The following FBXO22 variants were observed in gnomAD, a reference collection of about 807,000 sequenced individuals.
The protein encoded by FBXO22 is F-box protein 22, also known as F-box only protein 22.
A neutral mutation model predicts 37.2 loss-of-function variants in FBXO22; 13 were observed. That is an observed-to-expected ratio of 0.35 (90% CI 0.23 to 0.56). The LOEUF is 0.56. FBXO22 is among the 20% of genes least tolerant of loss of function. The pLI is 0.87. For missense variants in FBXO22, 446 were observed against 509.9 expected, an observed-to-expected ratio of 0.87 and a Z score of 1.21; for synonymous variants, 189 against 189.1, an observed-to-expected ratio of 1.00 and a Z score of 0.00.
intron 5 of FBXO22, among the ~76,000 whole-genome samples, chr15:75,919,868 G>C (rs1178850105): frequency 1.3e-5 from 2 of 152,210 alleles, no homozygotes; most frequent in South Asian, 2.1e-4. Context: ...TGGAGGTACT[G>C]TATGCCAGAT....
intron 3 of FBXO22, among the ~76,000 whole-genome samples, chr15:75,913,553 C>T (rs998165472): frequency 2.6e-5 from 4 of 152,176 alleles, no homozygotes; most frequent in African/African-American, 9.7e-5. Context: ...TCTCCAGGCA[C>T]TTTTTATTAT....
In FBXO22 at chr15:75,936,007, T is replaced by C. The variant is rs376158175; in HGVS notation, c.*2905T>C. On this transcript the variant is annotated 3_prime_UTR_variant, in exon 7 of 7. Transcript: ENST00000308275. ...TTTCACCGTGTTAGCCAAGATGGTC[T>C]CGATCTCCTGACCTTGTGATCCGCC... 17 of 152,308 alleles carry C rather than the reference T, an allele frequency of 1.1e-4. No individual in the cohort carries two copies. The highest frequency in any genetic ancestry group is 2.2e-4 in the Non-Finnish European group (15 of 68,024). 9.4% of individuals were successfully genotyped at this position (152,308 alleles called of 1,614,324 possible).
rs116749451 is a variant in FBXO22, at chr15:75,931,528, C to T, written c.795-1157C>T. 4.2e-3 allele frequency among the ~76,000 whole-genome samples: 636 copies of T among 152,262 alleles called. 13 individuals carry two copies. The highest frequency in any genetic ancestry group is 0.014 in the African/African-American group (599 of 41,556). On this transcript the variant is annotated intron_variant, in intron 6 of 6. Transcript: ENST00000308275. ...AAGAGCAGCAGAGGACTTCAGAAGA[C>T]GGATTTTGCCCCTCACAAACTTGTT...
In FBXO22 at chr15:75,904,032, G is replaced by A. The variant is rs776151270; in HGVS notation, c.69G>A (p.Leu23=). Reference sequence around the variant, plus strand: ...TAGACCCGCGGAGCACCTTCGTGTTGAGTAACCTGGCGGAGGTGGTGGAGC... The same window carrying A: ...TAGACCCGCGGAGCACCTTCGTGTTAAGTAACCTGGCGGAGGTGGTGGAGC... ...SSVDPRSTFV[L]SNLAEVVERV... The change falls in exon 1 of 7, where the codon TTG becomes TTA. Residue 23 remains leucine (L), a synonymous_variant. Transcript: ENST00000308275. 6.4e-7 allele frequency: 1 copy of A among 1,571,960 alleles called. No individual in the cohort carries two copies. Among genetic ancestry groups the A allele is most frequent in the Non-Finnish European group, 8.6e-7 (1 of 1,158,130 alleles).
At chr15:75,904,758 C>T (rs1899884130) in intron 2 of FBXO22, 129 bp downstream of exon 2, 1 of 979,776 alleles carries the variant, frequency 1.0e-6, no homozygotes, top group African/African-American at 1.7e-5. Context: ...ATTTTGTAAA[C>T]ATCAGTTTTA....
chr15:75,912,448 C>A (rs1472609278), intron 2 of FBXO22, among the ~76,000 whole-genome samples: 1 of 152,096 alleles, frequency 6.6e-6, no homozygotes, highest in Non-Finnish European at 1.5e-5. Flanking sequence ...AATTTCAGAA[C>A]TTGTTATTGG....
intron 5 of FBXO22, among the ~76,000 whole-genome samples, chr15:75,928,593 G>A (rs931821069): frequency 2.0e-5 from 3 of 152,170 alleles, no homozygotes; most frequent in African/African-American, 4.8e-5. Flanking sequence ...AGGGTGGAGG[G>A]TGTGAGGAAG....
intron 5 of FBXO22, among the ~76,000 whole-genome samples, chr15:75,922,618 C>T (rs1199249768): frequency 2.6e-5 from 4 of 152,144 alleles, no homozygotes; most frequent in Non-Finnish European, 5.9e-5. Flanking sequence ...AAGGGTGGGG[C>T]GCATTCAGGC....
At chr15:75,930,501 G>A in intron 6 of FBXO22, 3 of 984,840 alleles carry the variant, frequency 3.0e-6, no homozygotes, top group Non-Finnish European at 3.6e-6. Context: ...AATGTGTTTG[G>A]TCACAAAACT....
chr15:75,907,042 C>T (rs774126509), intron 2 of FBXO22, among the ~76,000 whole-genome samples: 2 of 151,706 alleles, frequency 1.3e-5, no homozygotes, highest in Non-Finnish European at 2.9e-5. Context: ...CTTTTTTTTC[C>T]ATTTACTGTT....
chr15:75,911,356 A>T (rs931557244), intron 2 of FBXO22, among the ~76,000 whole-genome samples: 2 of 152,122 alleles, frequency 1.3e-5, no homozygotes, highest in African/African-American at 4.8e-5. Flanking sequence ...ACTTTGGGCA[A>T]TATGGGCATT....
chr15:75,916,020 G>A lies in FBXO22; in HGVS notation c.464-1210G>A, dbSNP rs575161590. Among the ~76,000 whole-genome samples, 17 of 121,288 alleles carry A rather than the reference G, an allele frequency of 1.4e-4. No homozygotes were observed. In the South Asian group the frequency reaches 2.1e-3, roughly 15 times the overall value. 79.6% of individuals were successfully genotyped at this position (121,288 alleles called of 152,430 possible). ...CGGGAGGCAGAGGTTGCACCACTTC[G>A]CTCCAGCCTGGGTGACAGAGTAAGA... On this transcript the variant is annotated intron_variant, in intron 4 of 6. Coordinates refer to ENST00000308275, the MANE Select transcript of FBXO22 (RefSeq NM_147188.3).
At chr15:75,916,084 A>ATTTCTTTTTT (rs1900179713) in intron 4 of FBXO22, among the ~76,000 whole-genome samples, 1 of 141,012 alleles carries the variant, frequency 7.1e-6, no homozygotes, top group South Asian at 2.2e-4. Context: ...AAAAAAGTTT[A>ATTTCTTTTTT]TTTCTTTTTT....
At chr15:75,923,965 T>C (rs1272823366) in intron 5 of FBXO22, among the ~76,000 whole-genome samples, 3 of 152,110 alleles carry the variant, frequency 2.0e-5, no homozygotes, top group African/African-American at 7.2e-5. Context: ...GACAGCGATG[T>C]CATGCGGGTA....
chr15:75,930,568 C>A (rs1390605092), intron 6 of FBXO22: 1 of 985,818 alleles, frequency 1.0e-6, no homozygotes, highest in African/African-American at 1.7e-5. Flanking sequence ...TGTATTAGAT[C>A]TTTTGAAAGG....
In FBXO22 at chr15:75,938,286, A is replaced by G. The variant is rs2030579951; in HGVS notation, c.*5184A>G. The G allele has an allele frequency of 1.3e-5, 2 of 152,244 alleles. No individual in the cohort carries two copies. Among genetic ancestry groups the G allele is most frequent in the Non-Finnish European group, 2.9e-5 (2 of 68,040 alleles). The allele number at this position is 152,244 out of a possible 1,614,324, so 9.4% of individuals were successfully genotyped here. ...AACAAATGGATGACAGCTTTTAAAA[A>G]TAAAAAAACAATGAACCAGAAAACC... On this transcript the variant is annotated 3_prime_UTR_variant, in exon 7 of 7. Transcript: ENST00000308275.
intron 4 of FBXO22, 69 bp from the exon 5 acceptor site, chr15:75,917,161 A>T: frequency 6.2e-6 from 7 of 1,125,378 alleles, no homozygotes; most frequent in Admixed American, 2.5e-5. Context: ...TGATTATCTT[A>T]GTGACCTAAA....
intron 2 of FBXO22, among the ~76,000 whole-genome samples, chr15:75,906,583 AT>A (rs1899934342): frequency 6.6e-6 from 1 of 152,090 alleles, no homozygotes; most frequent in Non-Finnish European, 1.5e-5. Context: ...TTCTTAATGT[AT>A]TTAGATATTA....
Position 75,913,204 on chromosome 15 carries a change from A to T in FBXO22, c.281A>T (p.Asn94Ile), listed in dbSNP as rs752667271. ...CCAATTTTTTTTTTTTCTTTGCAGA[A>T]TGTTCGCATCTTACCACATACAGTT... ...LVRVVAEELENVRILPHTVLY... is the reference protein window; with the variant it reads ...LVRVVAEELEIVRILPHTVLY... The change falls in exon 3 of 7, where the codon AAT becomes ATT. Residue 94 changes from asparagine to isoleucine, a missense_variant and splice_region_variant. Around this residue, in one of 2 missense-constraint regions of FBXO22, gnomAD observed 315 missense variants for 410.1 expected, o/e 0.77. Coordinates refer to ENST00000308275, the MANE Select transcript of FBXO22 (RefSeq NM_147188.3). 2 of 1,604,756 alleles carry T rather than the reference A, an allele frequency of 1.2e-6. No homozygotes were observed. The highest frequency in any genetic ancestry group is 1.7e-6 in the Non-Finnish European group (2 of 1,177,456).
Sources: allele counts gnomAD v4.1 joint callset (sites outside exome capture counted in the v4.1 genomes callset), GRCh38; gene constraint gnomAD v4.1.1; regional missense constraint gnomAD v4.1.1; transcripts MANE v1.5; gene names NCBI Gene and HGNC (gene_info 2026-07-23, HGNC 2026-07-21).